Variants in SLC39A9 observed in about 807,000 individuals in gnomAD.
SLC39A9 encodes zinc transporter ZIP9.
SLC39A9 carries 14 observed loss-of-function variants against 28.4 expected under a neutral mutation model. That is an observed-to-expected ratio of 0.49 (90% CI 0.33 to 0.77). SLC39A9 has a LOEUF of 0.77. Ranked by LOEUF, SLC39A9 falls within the 30% of genes least tolerant of loss-of-function variation. The pLI, the probability that SLC39A9 is intolerant of heterozygous loss-of-function variation, is 0.02. For synonymous variants in SLC39A9, 119 were observed against 149.6 expected (o/e 0.80, Z 1.49); for missense variants, 283 against 381.1 (o/e 0.74, Z 2.14).
intron 2 of SLC39A9, among the ~76,000 whole-genome samples, chr14:69,437,877 T>A (rs1884854990): frequency 6.6e-6 from 1 of 151,828 alleles, no homozygotes. Context: ...CAAAAAAATC[T>A]GTGAAGTAAC....
intron 3 of SLC39A9, among the ~76,000 whole-genome samples, chr14:69,446,146 G>T (rs565729964): frequency 2.0e-5 from 3 of 152,014 alleles, no homozygotes; most frequent in African/African-American, 7.2e-5. Context: ...AGGGTTCTAA[G>T]TGTGGAAGAA....
In SLC39A9 at chr14:69,451,036, T is replaced by A. The variant is rs140897941; in HGVS notation, c.404-2205T>A. On this transcript the variant is annotated intron_variant, in intron 3 of 6. Coordinates refer to ENST00000336643, the MANE Select transcript of SLC39A9 (RefSeq NM_018375.5). ...ATAAAAACTTTCTAATTTTAAAGCC[T>A]CTAATTGTTTAAGATCCTAAGTATA... Among the ~76,000 whole-genome samples the A allele has an allele frequency of 3.1e-4, 47 of 152,300 alleles. 1 individual carries two copies. The highest frequency in any genetic ancestry group is 5.0e-4 in the Non-Finnish European group (34 of 68,026).
In SLC39A9 at chr14:69,461,471, C is replaced by A; in HGVS notation, c.*2878C>A. On this transcript the variant is annotated 3_prime_UTR_variant, in exon 7 of 7. Transcript: ENST00000336643. ...CGTAGACAGTTGGAAACAGTACTAC[C>A]TACCTAGAGGTTATGTGTTTTCTCT... 7.2e-7 allele frequency: 1 copy of A among 1,393,686 alleles called. No homozygotes were observed. The highest frequency in any genetic ancestry group is 9.3e-7 in the Non-Finnish European group (1 of 1,073,934). 86.3% of individuals were successfully genotyped at this position (1,393,686 alleles called of 1,614,324 possible). A position where few individuals can be genotyped will look rare whatever the true frequency, so the allele number is the denominator to read the frequency against.
intron 2 of SLC39A9, among the ~76,000 whole-genome samples, chr14:69,425,797 A>G (rs1460122961): frequency 2.0e-5 from 3 of 151,984 alleles, no homozygotes; most frequent in African/African-American, 7.3e-5. Context: ...AGCTGGGACT[A>G]TAGTATAGAT....
At position 69,399,278 on chromosome 14, in the gene SLC39A9, G is replaced by C; in HGVS notation, c.-92G>C. The C allele has an allele frequency of 8.8e-7, 1 of 1,133,944 alleles. No homozygotes were observed. The highest frequency in any genetic ancestry group is 1.3e-6 in the Non-Finnish European group (1 of 766,594). 70.2% of individuals were successfully genotyped at this position (1,133,944 alleles called of 1,614,324 possible). A position where few individuals can be genotyped will look rare whatever the true frequency, so the allele number is the denominator to read the frequency against. ...AAGAACTGGAAAGCCCACTCTCTTG[G>C]AACCACCACACCTGTTTAAAGAACC... is the stretch of plus-strand genomic sequence containing the variant. On this transcript the variant is annotated 5_prime_UTR_variant, in exon 1 of 7. Transcript: ENST00000336643.
intron 1 of SLC39A9, among the ~76,000 whole-genome samples, chr14:69,411,371 C>T (rs1050791126): frequency 6.6e-6 from 1 of 152,184 alleles, no homozygotes; most frequent in Non-Finnish European, 1.5e-5. Flanking sequence ...TGATGGTTAA[C>T]GGCATAGAGT....
chr14:69,438,217 C>T (rs906042911), intron 2 of SLC39A9, among the ~76,000 whole-genome samples: 1 of 152,052 alleles, frequency 6.6e-6, no homozygotes, highest in Non-Finnish European at 1.5e-5. Flanking sequence ...GACGGGGTTT[C>T]ACCATGTTGG....
At chr14:69,452,884 A>T (rs976406643) in intron 3 of SLC39A9, among the ~76,000 whole-genome samples, 1 of 152,202 alleles carries the variant, frequency 6.6e-6, no homozygotes, top group African/African-American at 2.4e-5. Context: ...TCCTTGGAAT[A>T]GTAGAGGAAG....
intron 2 of SLC39A9, among the ~76,000 whole-genome samples, chr14:69,427,915 G>A (rs1884284035): frequency 6.6e-6 from 1 of 152,204 alleles, no homozygotes; most frequent in Non-Finnish European, 1.5e-5. Context: ...TGCTAAGATA[G>A]AAACAAGAAT....
intron 1 of SLC39A9, among the ~76,000 whole-genome samples, chr14:69,419,048 T>G (rs1883738663): frequency 6.6e-6 from 1 of 152,222 alleles, no homozygotes; most frequent in Admixed American, 6.5e-5. Flanking sequence ...TTCTGCTAGC[T>G]TTTGAATGTG....
At position 69,461,157 on chromosome 14, in the gene SLC39A9, G is replaced by C; in HGVS notation, c.*2564G>C. 4 of 987,234 alleles carry C rather than the reference G, an allele frequency of 4.1e-6. No individual in the cohort carries two copies. The highest frequency in any genetic ancestry group is 4.7e-5 in the South Asian group (1 of 21,400). 61.2% of individuals were successfully genotyped at this position (987,234 alleles called of 1,614,324 possible). ...AGATGGAATTATTGGCTACCAAAGA[G>C]ACGCAATTGATGATGAGAAGCATGA... On this transcript the variant is annotated 3_prime_UTR_variant, in exon 7 of 7. Transcript: ENST00000336643.
At chr14:69,409,484 T>C (rs1883129058) in intron 1 of SLC39A9, among the ~76,000 whole-genome samples, 1 of 151,978 alleles carries the variant, frequency 6.6e-6, no homozygotes, top group South Asian at 2.1e-4. Context: ...GACTCAGGCA[T>C]GTGCCACCAG....
At chr14:69,445,514 A>G (rs1178720095) in intron 3 of SLC39A9, among the ~76,000 whole-genome samples, 1 of 152,230 alleles carries the variant, frequency 6.6e-6, no homozygotes, top group Non-Finnish European at 1.5e-5. Context: ...TATCATTAAG[A>G]CTTCTGATCA....
intron 1 of SLC39A9, among the ~76,000 whole-genome samples, chr14:69,414,799 C>T (rs1464155816): frequency 1.3e-5 from 2 of 152,174 alleles, no homozygotes; most frequent in Non-Finnish European, 2.9e-5. Context: ...TGTGTGGCCA[C>T]CCTCTCATCA....
chr14:69,450,580 GC>G (rs1312290162), intron 3 of SLC39A9, among the ~76,000 whole-genome samples: 1 of 152,096 alleles, frequency 6.6e-6, no homozygotes, highest in African/African-American at 2.4e-5. Flanking sequence ...TTTGAGACCA[GC>G]CTGGACAACA....
chr14:69,458,701 T>G lies in SLC39A9; in HGVS notation c.*108T>G. 1 of 1,441,884 alleles carries G rather than the reference T, an allele frequency of 6.9e-7. No individual in the cohort carries two copies. The allele number at this position is 1,441,884 out of a possible 1,614,324, so 89.3% of individuals were successfully genotyped here. The stretch of plus-strand genomic sequence containing the variant: ...TCTCTTGTCTCACCTTGCGCATCTC[T>G]ACATGTATTCCTAGAGTCCAGAGGG... On this transcript the variant is annotated 3_prime_UTR_variant, in exon 7 of 7. Coordinates refer to ENST00000336643, the MANE Select transcript of SLC39A9 (RefSeq NM_018375.5).
intron 1 of SLC39A9, among the ~76,000 whole-genome samples, chr14:69,417,155 G>A (rs1186830131): frequency 6.6e-6 from 1 of 152,186 alleles, no homozygotes; most frequent in Admixed American, 6.6e-5. Flanking sequence ...TGTATAAGGT[G>A]TAAGGAAGGG....
intron 2 of SLC39A9, among the ~76,000 whole-genome samples, chr14:69,433,207 C>G (rs376672970): frequency 1.3e-5 from 2 of 152,200 alleles, no homozygotes; most frequent in East Asian, 3.9e-4. Context: ...TGAATTTCAT[C>G]AGGTGCTTTT....
At chr14:69,406,558 C>G (rs1213704210) in intron 1 of SLC39A9, among the ~76,000 whole-genome samples, 5 of 151,936 alleles carry the variant, frequency 3.3e-5, no homozygotes, top group Admixed American at 3.3e-4. Flanking sequence ...CGCAGTGGCT[C>G]ACGCCTGTAA....
Sources: gnomAD v4.1 joint callset for allele counts (sites outside exome capture counted in the v4.1 genomes callset) on GRCh38, gnomAD v4.1.1 for gene constraint, MANE v1.5 for transcripts, NCBI Gene and HGNC (gene_info 2026-07-23, HGNC 2026-07-21) for gene names.